FBXW11: variants seen among roughly 807,000 people sequenced by gnomAD.
FBXW11 encodes F-box and WD repeat domain containing 11, also known as F-box/WD repeat-containing protein 11.
In FBXW11, 19 loss-of-function variants were observed where a neutral mutation model predicts 77.6. The observed-to-expected ratio is 0.24, with a 90% CI of 0.17 to 0.36. The LOEUF is 0.36. FBXW11 is among the 10% of genes least tolerant of loss of function. The probability of loss-of-function intolerance (pLI) is 1.00; values close to 1 mark genes in which losing one functional copy is unlikely to be tolerated. For missense variants in FBXW11, 334 were observed against 704.2 expected (o/e 0.47, Z 5.95); for synonymous variants, 235 against 249.4 (o/e 0.94, Z 0.54).
At chr5:171,916,917 T>TTTTTG (rs919707591) in intron 2 of FBXW11, among the ~76,000 whole-genome samples, 19 of 152,034 alleles carry the variant, frequency 1.2e-4, no homozygotes, top group African/African-American at 4.8e-5. Context: ...TTGTGGGGTT[T>TTTTTG]TTTTGTTTTG....
intron 7 of FBXW11, among the ~76,000 whole-genome samples, chr5:171,888,706 G>T (rs942178995): frequency 6.6e-6 from 1 of 152,174 alleles, no homozygotes; most frequent in Admixed American, 6.5e-5. Flanking sequence ...AATCTCAGGG[G>T]ACTGGACAAT....
At chr5:171,918,125 C>T (rs903382404) in intron 2 of FBXW11, among the ~76,000 whole-genome samples, 1 of 151,946 alleles carries the variant, frequency 6.6e-6, no homozygotes, top group Non-Finnish European at 1.5e-5. Flanking sequence ...TCTCCTATTC[C>T]CCATCATCTT....
At position 171,862,170 on chromosome 5, in the gene FBXW11, A is replaced by C. The variant is rs1173396116; in HGVS notation, c.*1957T>G. The C allele has an allele frequency of 6.6e-6, 1 of 152,504 alleles. No individual in the cohort carries two copies. The highest frequency in any genetic ancestry group is 1.9e-4 in the East Asian group (1 of 5,204). The allele number at this position is 152,504 out of a possible 1,614,324, so 9.4% of individuals were successfully genotyped here. On this transcript the variant is annotated 3_prime_UTR_variant, in exon 14 of 14. Coordinates refer to ENST00000517395, the MANE Select transcript of FBXW11 (RefSeq NM_001378974.1). ...GCTTTCCTAACCAGTTTGATATTGAAGCTGTAGGATGAAAAGTGGTCAAAG... is the reference window on the plus strand; with the variant it reads ...GCTTTCCTAACCAGTTTGATATTGACGCTGTAGGATGAAAAGTGGTCAAAG...
At chr5:171,874,470 T>C (rs999103254) in intron 9 of FBXW11, among the ~76,000 whole-genome samples, 2 of 152,126 alleles carry the variant, frequency 1.3e-5, no homozygotes, top group Non-Finnish European at 2.9e-5. Context: ...CTCATACCAA[T>C]TGGTGTGACT....
Position 171,922,132 on chromosome 5 carries a change from TC to T in FBXW11, c.148-7728del, listed in dbSNP as rs1761635463. Among the ~76,000 whole-genome samples the T allele has an allele frequency of 3.9e-5, 6 of 152,246 alleles. No individual in the cohort carries two copies. The South Asian group carries it at 1.2e-3, about 32-fold the overall frequency. ...GATTTACTAGATATATCTCAAACTT[TC>T]TACCCAATAAGAGACTACATATTAT... is the stretch of plus-strand genomic sequence containing the variant. On this transcript the variant is annotated intron_variant, in intron 2 of 13. Transcript: ENST00000517395.
In FBXW11 at chr5:171,914,393, T is replaced by C; in HGVS notation, c.160A>G (p.Met54Val). 6.2e-7 allele frequency: 1 copy of C among 1,603,316 alleles called. No homozygotes were observed. Among genetic ancestry groups the C allele is most frequent in the Non-Finnish European group, 8.5e-7 (1 of 1,176,218 alleles). Residue 54 changes from methionine (M) to valine (V), a missense_variant, in exon 3 of 14, where the codon ATG becomes GTG. Transcript: ENST00000517395. ...GACTCATCTTCATTTTGATCTTCCA[T>C]AACTGAAGTGTTCTAGGGGGGGAAA... is the stretch of plus-strand genomic sequence containing the variant. ...SVRCLQNTSV[M>V]EDQNEDESPK... is the part of the protein sequence containing the mutation.
chr5:171,885,551 A>C (rs1450367193), intron 7 of FBXW11, among the ~76,000 whole-genome samples: 1 of 152,118 alleles, frequency 6.6e-6, no homozygotes, highest in Non-Finnish European at 1.5e-5. Context: ...AGAATGGTTG[A>C]TTTTTCAGTT....
At chr5:171,947,489 A>G (rs890860816) in intron 2 of FBXW11, among the ~76,000 whole-genome samples, 1 of 152,066 alleles carries the variant, frequency 6.6e-6, no homozygotes, top group Non-Finnish European at 1.5e-5. Flanking sequence ...ACTTGAGCTC[A>G]GGAGTTCAAG....
intron 2 of FBXW11, among the ~76,000 whole-genome samples, chr5:171,930,747 T>TA (rs1204789808): frequency 2.4e-4 from 10 of 41,488 alleles, no homozygotes; most frequent in Non-Finnish European, 3.6e-4. Context: ...AAATAAAAAA[T>TA]AAAAAATAAA....
At chr5:171,944,206 T>C (rs1195216455) in intron 2 of FBXW11, among the ~76,000 whole-genome samples, 1 of 151,872 alleles carries the variant, frequency 6.6e-6, no homozygotes, top group African/African-American at 2.4e-5. Flanking sequence ...GAAAGTAAAA[T>C]TATACATCTA....
intron 7 of FBXW11, among the ~76,000 whole-genome samples, chr5:171,882,223 G>A (rs188919766): frequency 1.3e-5 from 2 of 152,056 alleles, no homozygotes; most frequent in Admixed American, 1.3e-4. Context: ...AGCTTTCACT[G>A]CATCCCACAG....
intron 1 of FBXW11, among the ~76,000 whole-genome samples, chr5:171,988,927 A>G (rs528322462): frequency 3.3e-5 from 5 of 152,274 alleles, no homozygotes; most frequent in African/African-American, 1.2e-4. Context: ...CTGTAATCCC[A>G]GCACTTTGGG....
chr5:172,006,628 G>C lies in FBXW11; in HGVS notation c.-126C>G. ...ACCCACTCTAGCTGCCAGCCCGCCC[G>C]GGCCGCCGGCAGCTCCGCCCTCCCC... On this transcript the variant is annotated 5_prime_UTR_variant, in exon 1 of 14. Transcript: ENST00000517395. The C allele has an allele frequency of 1.3e-5, 17 of 1,299,524 alleles. No homozygotes were observed. The highest frequency in any genetic ancestry group is 1.7e-5 in the Non-Finnish European group (17 of 1,023,158). 80.5% of individuals were successfully genotyped at this position (1,299,524 alleles called of 1,614,324 possible). A position where few individuals can be genotyped will look rare whatever the true frequency, so the allele number is the denominator to read the frequency against.
chr5:171,945,873 T>TA (rs140034592), intron 2 of FBXW11, among the ~76,000 whole-genome samples: 296 of 152,332 alleles, frequency 1.9e-3, no homozygotes, highest in African/African-American at 6.7e-3. Flanking sequence ...TTTGAATCCC[T>TA]AACTCCAAAG....
intron 2 of FBXW11, among the ~76,000 whole-genome samples, chr5:171,926,878 A>G (rs1761917993): frequency 6.6e-6 from 1 of 152,230 alleles, no homozygotes; most frequent in African/African-American, 2.4e-5. Context: ...GTACAGAGGT[A>G]TAATAAATAT....
rs1480551480 is a variant in FBXW11 at position 172,006,592 on chromosome 5, G to A, written c.-90C>T. 7.2e-7 allele frequency: 1 copy of A among 1,396,306 alleles called. No individual in the cohort carries two copies. The highest frequency in any genetic ancestry group is 3.0e-5 in the East Asian group (1 of 32,900). The allele number at this position is 1,396,306 out of a possible 1,614,324, so 86.5% of individuals were successfully genotyped here. A position where few individuals can be genotyped will look rare whatever the true frequency, so the allele number is the denominator to read the frequency against. Reference sequence around the variant, plus strand: ...GACGGCGGAGGCGGCAGAGGCGGAGGCGGCTATCGCACCCACTCTAGCTGC... The same window carrying A: ...GACGGCGGAGGCGGCAGAGGCGGAGACGGCTATCGCACCCACTCTAGCTGC... On this transcript the variant is annotated 5_prime_UTR_variant, in exon 1 of 14. Transcript: ENST00000517395.
chr5:171,889,689 C>A (rs577835647), intron 7 of FBXW11, among the ~76,000 whole-genome samples: 22 of 151,592 alleles, frequency 1.5e-4, no homozygotes, highest in Non-Finnish European at 2.2e-4. Context: ...GAGTTTGAGA[C>A]CAGCCTGACC....
intron 1 of FBXW11, among the ~76,000 whole-genome samples, chr5:171,963,055 G>A (rs997462133): frequency 3.3e-5 from 5 of 152,094 alleles, no homozygotes; most frequent in African/African-American, 1.2e-4. Context: ...ATCAAGTTGA[G>A]TGGCTGTTCC....
chr5:171,937,979 A>G (rs1427312483), intron 2 of FBXW11, among the ~76,000 whole-genome samples: 1 of 152,228 alleles, frequency 6.6e-6, no homozygotes, highest in Non-Finnish European at 1.5e-5. Context: ...AAAAGAACTA[A>G]TATCCCTAAA....
Sources: allele counts gnomAD v4.1 joint callset (sites outside exome capture counted in the v4.1 genomes callset), GRCh38; gene constraint gnomAD v4.1.1; transcripts MANE v1.5; gene names NCBI Gene and HGNC (gene_info 2026-07-23, HGNC 2026-07-21).